The following STXBP4 variants were observed in gnomAD, a reference collection of about 807,000 sequenced individuals.
STXBP4 encodes the protein syntaxin-binding protein 4.
A neutral mutation model predicts 76.1 loss-of-function variants in STXBP4; 55 were observed. That is an observed-to-expected ratio of 0.72 (90% CI 0.58 to 0.91). The LOEUF (loss-of-function observed/expected upper bound fraction) is 0.91, where lower values mean the gene tolerates loss of function less well. Ranked by LOEUF, STXBP4 falls within the 40% of genes least tolerant of loss-of-function variation. The pLI, the probability that STXBP4 is intolerant of heterozygous loss-of-function variation, is 0.00. For synonymous variants in STXBP4, 201 were observed against 220.2 expected (o/e 0.91, Z 0.77); for missense variants, 618 against 636.9 (o/e 0.97, Z 0.32).
the STXBP4 span, among the ~76,000 whole-genome samples, chr17:55,191,017 A>T: frequency 1.3e-5 from 2 of 152,206 alleles, no homozygotes; most frequent in Non-Finnish European, 2.9e-5. Flanking sequence ...TTACTGAGCA[A>T]CTGGAGAGCT....
chr17:55,137,848 A>G (rs1040801027), intron 16 of STXBP4, among the ~76,000 whole-genome samples: 1 of 152,136 alleles, frequency 6.6e-6, no homozygotes, highest in Non-Finnish European at 1.5e-5. Context: ...ACTTCCATCA[A>G]TATGAGAATG....
intron 3 of STXBP4, among the ~76,000 whole-genome samples, chr17:54,988,814 C>G (rs2077665764): frequency 6.6e-6 from 1 of 152,070 alleles, no homozygotes; most frequent in African/African-American, 2.4e-5. Flanking sequence ...ATTTTGGACC[C>G]TTGGACCCTG....
intron 17 of STXBP4, among the ~76,000 whole-genome samples, chr17:55,143,039 C>G (rs2080111998): frequency 6.6e-6 from 1 of 152,186 alleles, no homozygotes; most frequent in African/African-American, 2.4e-5. Flanking sequence ...CTTTCTTTCT[C>G]TCTTTTTGAT....
intron 16 of STXBP4, among the ~76,000 whole-genome samples, chr17:55,088,744 C>A (rs146602673): frequency 1.3e-5 from 2 of 152,254 alleles, no homozygotes; most frequent in East Asian, 1.9e-4. Context: ...CCATTGAAAT[C>A]TGATGAAAAT....
chr17:55,115,541 A>G (rs1326807104), intron 16 of STXBP4, among the ~76,000 whole-genome samples: 1 of 151,804 alleles, frequency 6.6e-6, no homozygotes, highest in Non-Finnish European at 1.5e-5. Flanking sequence ...ATGCTTCCCA[A>G]ATAGAAGTGC....
chr17:55,102,936 T>G (rs1469145038), intron 16 of STXBP4, among the ~76,000 whole-genome samples: 3 of 152,248 alleles, frequency 2.0e-5, no homozygotes, highest in African/African-American at 7.2e-5. Flanking sequence ...CTTTGAGAAG[T>G]GCCTGTTCAT....
chr17:55,181,192 GT>G, the STXBP4 span, among the ~76,000 whole-genome samples: 1 of 152,128 alleles, frequency 6.6e-6, no homozygotes, highest in Non-Finnish European at 1.5e-5. Flanking sequence ...GACTTATCTA[GT>G]TTTTCTACCA....
chr17:55,066,994 A>G (rs1598281653), intron 12 of STXBP4, among the ~76,000 whole-genome samples: 1 of 152,228 alleles, frequency 6.6e-6, no homozygotes, highest in East Asian at 1.9e-4. Flanking sequence ...ATTCCCATAA[A>G]TCTGAACCCT....
intron 16 of STXBP4, among the ~76,000 whole-genome samples, chr17:55,139,528 G>A (rs1356874818): frequency 6.6e-6 from 1 of 152,150 alleles, no homozygotes; most frequent in Non-Finnish European, 1.5e-5. Context: ...CCCTCCAGGT[G>A]AGGGGCTTGT....
rs780295446 is a variant in STXBP4 at position 55,047,166 on chromosome 17, TA to T, written c.1011+13del. ...AGAATGTGAAACAAGTAAGTATATG[TA>T]TTGTGTATATATGTGCTCGTGTGTG... is the stretch of plus-strand genomic sequence containing the variant. On this transcript the variant is annotated intron_variant, in intron 12 of 17. Coordinates refer to ENST00000376352, the MANE Select transcript of STXBP4 (RefSeq NM_178509.6). 1 of 1,539,084 alleles carries T rather than the reference TA, an allele frequency of 6.5e-7. No individual in the cohort carries two copies. The highest frequency in any genetic ancestry group is 8.9e-7 in the Non-Finnish European group (1 of 1,118,300).
chr17:55,210,085 GA>G, the STXBP4 span, among the ~76,000 whole-genome samples: 1 of 152,208 alleles, frequency 6.6e-6, no homozygotes, highest in Admixed American at 6.5e-5. Context: ...GAAAGAAGGA[GA>G]ATGGAAAGGA....
At chr17:55,114,908 C>T (rs2145068624) in intron 16 of STXBP4, among the ~76,000 whole-genome samples, 1 of 152,006 alleles carries the variant, frequency 6.6e-6, no homozygotes, top group Middle Eastern at 3.4e-3. Flanking sequence ...CTTGCAATTA[C>T]TCTCCTGAAT....
chr17:55,181,520 G>A, the STXBP4 span, among the ~76,000 whole-genome samples: 1 of 152,076 alleles, frequency 6.6e-6, no homozygotes, highest in African/African-American at 2.4e-5. Context: ...AGCCTGAACT[G>A]CATCCCTCTC....
intron 13 of STXBP4, among the ~76,000 whole-genome samples, chr17:55,077,731 A>G (rs986432894): frequency 1.2e-4 from 10 of 80,246 alleles, no homozygotes; most frequent in African/African-American, 3.3e-4. Context: ...GTGTGTGTGT[A>G]TCCAGCATTT....
intron 16 of STXBP4, among the ~76,000 whole-genome samples, chr17:55,091,016 T>C (rs1052257799): frequency 1.1e-4 from 16 of 152,228 alleles, no homozygotes; most frequent in Admixed American, 9.8e-4. Flanking sequence ...GGAGCTAAGG[T>C]TTCTACACCC....
chr17:55,094,112 G>A (rs944699579), intron 16 of STXBP4, among the ~76,000 whole-genome samples: 3 of 148,136 alleles, frequency 2.0e-5, no homozygotes, highest in Non-Finnish European at 3.0e-5. Context: ...GACCTTTCAG[G>A]CCCAGTACAA....
chr17:55,208,395 G>A, the STXBP4 span, among the ~76,000 whole-genome samples: 2 of 152,080 alleles, frequency 1.3e-5, no homozygotes, highest in Non-Finnish European at 2.9e-5. Flanking sequence ...TGGATGGGTT[G>A]GGAGATCATA....
chr17:55,009,957 T>G (rs116649839), intron 8 of STXBP4, among the ~76,000 whole-genome samples: 1,836 of 152,114 alleles, frequency 0.012, 32 homozygotes, highest in African/African-American at 0.042. Flanking sequence ...GTTGCTACTT[T>G]GTAGACAGAT....
intron 17 of STXBP4, among the ~76,000 whole-genome samples, chr17:55,153,319 T>C (rs1332122834): frequency 1.3e-5 from 2 of 152,216 alleles, no homozygotes; most frequent in Non-Finnish European, 2.9e-5. Context: ...TTGAAGGCTT[T>C]TCTTTGTAAC....
Sources: gnomAD v4.1 joint callset for allele counts (sites outside exome capture counted in the v4.1 genomes callset) on GRCh38, gnomAD v4.1.1 for gene constraint, MANE v1.5 for transcripts, NCBI Gene and HGNC (gene_info 2026-07-23, HGNC 2026-07-21) for gene names.